The following DCC variants were observed in gnomAD, a reference collection of about 807,000 sequenced individuals.
The protein encoded by DCC is DCC netrin 1 receptor, also known as netrin receptor DCC.
Under a neutral mutation model 172.5 loss-of-function variants are expected in DCC, and 58 were observed. The ratio of observed to expected loss-of-function variants is 0.34; its 90% confidence interval spans 0.27 to 0.42. DCC has a LOEUF of 0.42. Among genes scored for constraint, DCC ranks in the 10% least tolerant of loss-of-function variants. The pLI, the probability that DCC is intolerant of heterozygous loss-of-function variation, is 1.00. For synonymous variants in DCC, 709 were observed against 644.5 expected (o/e 1.10, Z -1.52); for missense variants, 1,740 against 1,791.0 (o/e 0.97, Z 0.51).
chr18:53,408,396 G>A (rs915746313), intron 19 of DCC, among the ~76,000 whole-genome samples: 1 of 152,122 alleles, frequency 6.6e-6, no homozygotes, highest in Admixed American at 6.6e-5. Context: ...TGTAATTGTT[G>A]TCATGGCTGT....
chr18:52,357,116 T>C (rs1201869956), intron 1 of DCC, among the ~76,000 whole-genome samples: 1 of 152,186 alleles, frequency 6.6e-6, no homozygotes. Context: ...CCAGTACATA[T>C]TGGACACTTT....
intron 13 of DCC, among the ~76,000 whole-genome samples, chr18:53,308,453 T>C (rs2057227912): frequency 6.9e-6 from 1 of 145,886 alleles, no homozygotes; most frequent in African/African-American, 2.7e-5. Context: ...TGAAAAACAA[T>C]AAGTTAAAAA....
At chr18:53,166,549 T>A (rs2054924961) in intron 8 of DCC, among the ~76,000 whole-genome samples, 1 of 152,142 alleles carries the variant, frequency 6.6e-6, no homozygotes, top group South Asian at 2.1e-4. Flanking sequence ...GAATTTGAAA[T>A]CAAAATCTGT....
intron 5 of DCC, among the ~76,000 whole-genome samples, chr18:53,056,267 T>A (rs899704866): frequency 3.3e-5 from 5 of 151,938 alleles, no homozygotes; most frequent in African/African-American, 1.2e-4. Flanking sequence ...AACCATCAGC[T>A]CTCCTGAGAA....
intron 23 of DCC, among the ~76,000 whole-genome samples, chr18:53,453,428 A>G (rs2045442280): frequency 6.6e-6 from 1 of 152,102 alleles, no homozygotes; most frequent in Non-Finnish European, 1.5e-5. Flanking sequence ...AGCTTCTTCA[A>G]TATCTCTTTT....
chr18:53,530,264 G>T (rs1644912608), intron 28 of DCC: 1 of 696,942 alleles, frequency 1.4e-6, no homozygotes, highest in Non-Finnish European at 2.6e-6. Context: ...GCACTCACTT[G>T]TCTAAGACCA....
chr18:53,428,952 A>T (rs186336162), intron 21 of DCC, among the ~76,000 whole-genome samples: 1 of 62,380 alleles, frequency 1.6e-5, no homozygotes, highest in African/African-American at 5.4e-5. Flanking sequence ...ATTATATATA[A>T]CATATTATAT....
chr18:52,878,714 C>T lies in DCC; in HGVS notation c.413-27330C>T, dbSNP rs140632593. Among the ~76,000 whole-genome samples the T allele has an allele frequency of 4.4e-3, 674 of 152,176 alleles. 8 individuals are homozygous for T. The highest frequency in any genetic ancestry group is 0.014 in the African/African-American group (601 of 41,518). ...TGAGAGTATATAATTTTTACTAGGA[C>T]GGGTCACTTGTGTCTCTTTCCCTAG... On this transcript the variant is annotated intron_variant, in intron 2 of 28. Coordinates refer to ENST00000442544, the MANE Select transcript of DCC (RefSeq NM_005215.4).
intron 24 of DCC, among the ~76,000 whole-genome samples, chr18:53,461,839 G>C (rs954678481): frequency 6.6e-6 from 1 of 152,164 alleles, no homozygotes; most frequent in Non-Finnish European, 1.5e-5. Context: ...TTTAATTAAA[G>C]ATTCTCCTTT....
intron 5 of DCC, among the ~76,000 whole-genome samples, chr18:52,950,885 G>A (rs528793305): frequency 4.4e-4 from 56 of 125,864 alleles, no homozygotes; most frequent in African/African-American, 1.6e-3. Context: ...AGATCAGATC[G>A]CGCCACTGCA....
chr18:52,902,510 C>A (rs979745936), intron 2 of DCC, among the ~76,000 whole-genome samples: 21 of 152,214 alleles, frequency 1.4e-4, no homozygotes, highest in Admixed American at 8.5e-4. Flanking sequence ...ATACCTGTAT[C>A]TCTCTCTGGA....
rs543734904 is a variant in DCC at position 52,521,017 on chromosome 18, T to C, written c.91+180139T>C. Among the ~76,000 whole-genome samples, 4 of 152,300 alleles carry C rather than the reference T, an allele frequency of 2.6e-5. No homozygotes were observed. The South Asian group carries it at 8.3e-4, about 32-fold the overall frequency. Reference sequence around the variant, plus strand: ...ACTATTGAAGAAAAATAGTGTATTTTTCAGGCCAAAAATATACATGGTGGT... The same window carrying C: ...ACTATTGAAGAAAAATAGTGTATTTCTCAGGCCAAAAATATACATGGTGGT... On this transcript the variant is annotated intron_variant, in intron 1 of 28. Coordinates refer to ENST00000442544, the MANE Select transcript of DCC (RefSeq NM_005215.4).
At chr18:53,525,907 A>G (rs961192208) in intron 27 of DCC, among the ~76,000 whole-genome samples, 2 of 152,136 alleles carry the variant, frequency 1.3e-5, no homozygotes, top group Admixed American at 1.3e-4. Flanking sequence ...TCAAGGTTGT[A>G]TTAGCGCTAC....
At chr18:52,697,116 G>C (rs971085633) in intron 1 of DCC, among the ~76,000 whole-genome samples, 1 of 152,112 alleles carries the variant, frequency 6.6e-6, no homozygotes, top group Non-Finnish European at 1.5e-5. Flanking sequence ...TTACTTGATT[G>C]CATAGTATTT....
intron 1 of DCC, among the ~76,000 whole-genome samples, chr18:52,468,573 G>C (rs955187220): frequency 1.3e-5 from 2 of 152,046 alleles, no homozygotes; most frequent in Non-Finnish European, 2.9e-5. Flanking sequence ...CAATTTGAAG[G>C]CTTATTAATA....
At chr18:53,318,045 C>T (rs1324265094) in intron 13 of DCC, among the ~76,000 whole-genome samples, 1 of 152,008 alleles carries the variant, frequency 6.6e-6, no homozygotes, top group Non-Finnish European at 1.5e-5. Context: ...TTTACTCTTG[C>T]TTCTCTAGTT....
At chr18:53,486,234 A>G (rs1031411798) in intron 25 of DCC, among the ~76,000 whole-genome samples, 2 of 152,330 alleles carry the variant, frequency 1.3e-5, no homozygotes, top group African/African-American at 4.8e-5. Context: ...TACACTTAAT[A>G]TGTCACTCAC....
chr18:53,511,191 C>T (rs1230223329), intron 27 of DCC, among the ~76,000 whole-genome samples: 1 of 152,172 alleles, frequency 6.6e-6, no homozygotes, highest in African/African-American at 2.4e-5. Flanking sequence ...CTTTCTCTCT[C>T]TAGGTTTTAG....
Position 52,341,013 on chromosome 18 carries a change from A to G in DCC, c.91+135A>G. The G allele has an allele frequency of 4.2e-6, 3 of 708,754 alleles. No individual in the cohort carries two copies. The East Asian group carries it at 9.2e-5, about 22-fold the overall frequency. 43.9% of individuals were successfully genotyped at this position (708,754 alleles called of 1,614,324 possible). A position where few individuals can be genotyped will look rare whatever the true frequency, so the allele number is the denominator to read the frequency against. ...GCGCTTGCGCTGCCCCCATTTGCGC[A>G]CCGATGATAAAAGATAGAAGAGTTT... On this transcript the variant is annotated intron_variant, in intron 1 of 28. Transcript: ENST00000442544.
Sources: allele counts gnomAD v4.1 joint callset (sites outside exome capture counted in the v4.1 genomes callset), GRCh38; gene constraint gnomAD v4.1.1; transcripts MANE v1.5; gene names NCBI Gene and HGNC (gene_info 2026-07-23, HGNC 2026-07-21).